Variants in CAMK1D observed in about 807,000 individuals in gnomAD.
The protein encoded by CAMK1D is calcium/calmodulin dependent protein kinase ID, also known as calcium/calmodulin-dependent protein kinase type 1D.
A neutral mutation model predicts 47.7 loss-of-function variants in CAMK1D; 9 were observed. The observed-to-expected ratio is 0.19, with a 90% CI of 0.11 to 0.33. The LOEUF is 0.33. Among genes scored for constraint, CAMK1D ranks in the 10% least tolerant of loss-of-function variants. The probability of loss-of-function intolerance (pLI) is 1.00; values close to 1 mark genes in which losing one functional copy is unlikely to be tolerated. For missense variants in CAMK1D, 291 were observed against 488.7 expected, an observed-to-expected ratio of 0.60 and a Z score of 3.81; for synonymous variants, 184 against 184.9, an observed-to-expected ratio of 0.99 and a Z score of 0.04.
chr10:12,814,034 C>T (rs545907876), intron 6 of CAMK1D, among the ~76,000 whole-genome samples, 161 bp from the exon 7 acceptor site: 1 of 151,762 alleles, frequency 6.6e-6, no homozygotes, highest in East Asian at 2.0e-4. Flanking sequence ...AGTGATCTGC[C>T]CGCCTTGGCC....
At chr10:12,652,490 AG>A (rs536500056) in intron 2 of CAMK1D, among the ~76,000 whole-genome samples, 17 of 151,228 alleles carry the variant, frequency 1.1e-4, no homozygotes, top group Non-Finnish European at 1.8e-4. Flanking sequence ...TGGGAGGCTG[AG>A]GCAGGGGAAT....
intron 9 of CAMK1D, 68 bp downstream of exon 9, chr10:12,824,620 C>A: frequency 7.9e-7 from 1 of 1,267,434 alleles, no homozygotes; most frequent in Non-Finnish European, 1.1e-6. Flanking sequence ...CCAATCTGAG[C>A]ATTTCTGAAA....
At chr10:12,592,103 G>A (rs752816259) in intron 2 of CAMK1D, among the ~76,000 whole-genome samples, 3 of 152,212 alleles carry the variant, frequency 2.0e-5, no homozygotes, top group Non-Finnish European at 4.4e-5. Flanking sequence ...CATGCACTCT[G>A]TTGGTGGCAT....
At position 12,448,782 on chromosome 10, in the gene CAMK1D, C is replaced by G. The variant is rs549657445; in HGVS notation, c.92+98872C>G. Reference sequence around the variant, plus strand: ...GAGAAGAAATTATCCCCGGACCATTCCTCCCGGTGAAAAACATGAAATGTG... The same window carrying G: ...GAGAAGAAATTATCCCCGGACCATTGCTCCCGGTGAAAAACATGAAATGTG... On this transcript the variant is annotated intron_variant, in intron 1 of 10. Coordinates refer to ENST00000619168, the MANE Select transcript of CAMK1D (RefSeq NM_153498.4). 1.8e-4 allele frequency among the ~76,000 whole-genome samples: 27 copies of G among 152,276 alleles called. No homozygotes were observed. The South Asian group carries it at 5.4e-3, about 30-fold the overall frequency.
At chr10:12,693,535 A>T (rs1833018198) in intron 3 of CAMK1D, among the ~76,000 whole-genome samples, 1 of 151,956 alleles carries the variant, frequency 6.6e-6, no homozygotes, top group Non-Finnish European at 1.5e-5. Context: ...CAGGAGGCTG[A>T]GGTGGGAGGA....
intron 1 of CAMK1D, among the ~76,000 whole-genome samples, chr10:12,523,467 G>A (rs577533822): frequency 5.5e-4 from 84 of 152,346 alleles, no homozygotes; most frequent in African/African-American, 1.9e-3. Context: ...TGAGCACTGA[G>A]TGAATGAGAC....
At chr10:12,576,469 T>C (rs892081251) in intron 2 of CAMK1D, among the ~76,000 whole-genome samples, 6 of 152,136 alleles carry the variant, frequency 3.9e-5, no homozygotes, top group African/African-American at 1.2e-4. Flanking sequence ...ATTTTTATTA[T>C]TATTACATTA....
chr10:12,655,733 C>T (rs1840098902), intron 2 of CAMK1D, among the ~76,000 whole-genome samples: 1 of 152,298 alleles, frequency 6.6e-6, no homozygotes, highest in South Asian at 2.1e-4. Context: ...TAGACAAGAG[C>T]AAATCACTTG....
chr10:12,467,960 A>C (rs1420195458), intron 1 of CAMK1D, among the ~76,000 whole-genome samples: 1 of 152,224 alleles, frequency 6.6e-6, no homozygotes, highest in African/African-American at 2.4e-5. Flanking sequence ...CCAATGGTAA[A>C]TCTTACAAGT....
intron 8 of CAMK1D, among the ~76,000 whole-genome samples, chr10:12,820,822 G>A (rs1270480550): frequency 6.6e-6 from 1 of 152,212 alleles, no homozygotes; most frequent in Non-Finnish European, 1.5e-5. Flanking sequence ...TCTCTGTGGT[G>A]TGTGCTCAGG....
chr10:12,745,706 G>A (rs956375820), intron 3 of CAMK1D, among the ~76,000 whole-genome samples: 2 of 151,270 alleles, frequency 1.3e-5, no homozygotes, highest in South Asian at 2.1e-4. Flanking sequence ...GGGTTCAAAC[G>A]ATTCTCCTGT....
chr10:12,585,051 T>C (rs556708186), intron 2 of CAMK1D, among the ~76,000 whole-genome samples: 1 of 152,298 alleles, frequency 6.6e-6, no homozygotes, highest in South Asian at 2.1e-4. Context: ...CCTGATCATG[T>C]CAGTCATTAG....
intron 3 of CAMK1D, among the ~76,000 whole-genome samples, chr10:12,735,108 G>A (rs1360678487): frequency 6.6e-6 from 1 of 152,186 alleles, no homozygotes; most frequent in African/African-American, 2.4e-5. Context: ...CTTTTCATAG[G>A]TCTTCCTCAG....
intron 1 of CAMK1D, among the ~76,000 whole-genome samples, chr10:12,512,975 C>G (rs886947283): frequency 2.6e-5 from 4 of 152,118 alleles, no homozygotes; most frequent in Admixed American, 2.6e-4. Flanking sequence ...ACAGCACACA[C>G]CTGGAGGAAC....
intron 1 of CAMK1D, among the ~76,000 whole-genome samples, chr10:12,456,278 A>G (rs564736935): frequency 1.2e-4 from 19 of 152,306 alleles, no homozygotes; most frequent in South Asian, 1.0e-3. Context: ...CTGATTTAGA[A>G]TTCCTGAATG....
At chr10:12,716,399 G>A (rs751343047) in intron 3 of CAMK1D, among the ~76,000 whole-genome samples, 7 of 152,066 alleles carry the variant, frequency 4.6e-5, no homozygotes, top group Non-Finnish European at 1.0e-4. Context: ...CAGACCCTCC[G>A]GCTTTCTTGA....
At position 12,834,181 on chromosome 10, in the gene CAMK1D, G is replaced by A. The variant is rs1347747085; in HGVS notation, c.*5294G>A. On this transcript the variant is annotated 3_prime_UTR_variant, in exon 11 of 11. Transcript: ENST00000619168. ...CCTCAACTCTGGGGAGCAGGCAGGCGGTCTGAGGAAGATAAGGGCCCACGC... is the reference window on the plus strand; with the variant it reads ...CCTCAACTCTGGGGAGCAGGCAGGCAGTCTGAGGAAGATAAGGGCCCACGC... 1 of 152,286 alleles carries A rather than the reference G, an allele frequency of 6.6e-6. No homozygotes were observed. The highest frequency in any genetic ancestry group is 1.9e-4 in the East Asian group (1 of 5,200). The allele number at this position is 152,286 out of a possible 1,614,324, so 9.4% of individuals were successfully genotyped here.
At chr10:12,672,997 A>G (rs2132577257) in intron 3 of CAMK1D, among the ~76,000 whole-genome samples, 1 of 149,758 alleles carries the variant, frequency 6.7e-6, no homozygotes, top group East Asian at 2.0e-4. Flanking sequence ...CCCGGGTTCA[A>G]GCAATTCTTG....
chr10:12,767,034 G>A (rs780534198), intron 4 of CAMK1D, among the ~76,000 whole-genome samples: 1 of 152,146 alleles, frequency 6.6e-6, no homozygotes, highest in Non-Finnish European at 1.5e-5. Flanking sequence ...TCTCAGACCC[G>A]CTGAAGGGCA....
Sources: allele counts gnomAD v4.1 joint callset (sites outside exome capture counted in the v4.1 genomes callset), GRCh38; gene constraint gnomAD v4.1.1; transcripts MANE v1.5; gene names NCBI Gene and HGNC (gene_info 2026-07-23, HGNC 2026-07-21).